The following KCTD2 variants were observed in gnomAD, a reference collection of about 807,000 sequenced individuals.
The protein encoded by KCTD2 is potassium channel tetramerization domain containing 2, also known as BTB/POZ domain-containing protein KCTD2.
Under a neutral mutation model 27.9 loss-of-function variants are expected in KCTD2, and 18 were observed. The observed-to-expected ratio is 0.64, with a 90% CI of 0.45 to 0.96. KCTD2 has a LOEUF of 0.96. KCTD2 is among the 40% of genes least tolerant of loss of function. KCTD2 has a pLI of 0.00. For missense variants in KCTD2, 280 were observed against 348.0 expected, an observed-to-expected ratio of 0.80 and a Z score of 1.56; for synonymous variants, 175 against 148.4, an observed-to-expected ratio of 1.18 and a Z score of -1.30.
rs780753732 is a variant in KCTD2, at chr17:75,053,140, C to G, written c.540+35C>G. ...TTGGAACTGTTAAGGAGGGTTGTTT[C>G]AAGTGGGCTTCTGTCGGTCGGTCTG... On this transcript the variant is annotated intron_variant, in intron 3 of 5. Transcript: ENST00000322444. 1.8e-5 allele frequency: 27 copies of G among 1,521,804 alleles called. No homozygotes were observed. In the South Asian group the frequency reaches 3.0e-4, roughly 17 times the overall value. The allele number at this position is 1,521,804 out of a possible 1,614,324, so 94.3% of individuals were successfully genotyped here.
At chr17:75,059,671 C>A in intron 4 of KCTD2, 66 bp downstream of exon 4, 1 of 1,263,798 alleles carries the variant, frequency 7.9e-7, no homozygotes, top group Non-Finnish European at 1.1e-6. Context: ...TTCAAACAAT[C>A]AGTGTGGATG....
At chr17:75,048,183 C>T (rs1473013286) in intron 1 of KCTD2, among the ~76,000 whole-genome samples, 1 of 152,170 alleles carries the variant, frequency 6.6e-6, no homozygotes, top group Non-Finnish European at 1.5e-5. Context: ...AAAGAGGTTA[C>T]TGTTTGCCGC....
At chr17:75,054,054 G>T (rs1316895896) in intron 3 of KCTD2, among the ~76,000 whole-genome samples, 1 of 151,620 alleles carries the variant, frequency 6.6e-6, no homozygotes, top group East Asian at 1.9e-4. Flanking sequence ...TCTCACTCCC[G>T]TTGCCCAGGT....
Position 75,040,293 on chromosome 17 carries a change from C to T in KCTD2, c.-259+4936C>T. 9 of 1,045,214 alleles carry T rather than the reference C, an allele frequency of 8.6e-6. 1 individual carries two copies. The highest frequency in any genetic ancestry group is 1.2e-5 in the Non-Finnish European group (8 of 675,168). The allele number at this position is 1,045,214 out of a possible 1,614,324, so 64.7% of individuals were successfully genotyped here. ...AATCCTTAAAGGTCATACTGAAAGA[C>T]ATTCTGTGTCCCAAGCGGAAACGAA... On this transcript the variant is annotated intron_variant, in intron 3 of 7. Transcript: ENST00000581589.
chr17:75,040,256 C>G lies in KCTD2; in HGVS notation c.-259+4899C>G. 2.7e-6 allele frequency: 4 copies of G among 1,464,696 alleles called. No individual in the cohort carries two copies. In the South Asian group the frequency reaches 4.6e-5, roughly 17 times the overall value. 90.7% of individuals were successfully genotyped at this position (1,464,696 alleles called of 1,614,324 possible). On this transcript the variant is annotated intron_variant, in intron 3 of 7. Transcript: ENST00000581589. ...CCAATACACCCAGGAGCTCAAAGGG[C>G]TGGAAGCTACGAATCCTTAAAGGTC...
At chr17:75,060,668 C>T (rs1222723530) in intron 4 of KCTD2, 33 of 1,486,518 alleles carry the variant, frequency 2.2e-5, no homozygotes, top group Non-Finnish European at 2.7e-5. Context: ...GGCGCGCGTG[C>T]GAGGGCGGGT....
intron 3 of KCTD2, among the ~76,000 whole-genome samples, chr17:75,057,930 C>T (rs2073365704): frequency 6.6e-6 from 1 of 152,104 alleles, no homozygotes; most frequent in African/African-American, 2.4e-5. Flanking sequence ...CACAGTGGCT[C>T]ATGCCTGTAA....
intron 3 of KCTD2, chr17:75,041,897 G>A (rs1025524678): frequency 7.6e-5 from 21 of 277,358 alleles, no homozygotes; most frequent in Non-Finnish European, 1.3e-4. Flanking sequence ...GCCTAAGAAG[G>A]GGTGAACCGG....
chr17:75,050,108 C>T (rs1187610756), intron 2 of KCTD2, among the ~76,000 whole-genome samples: 1 of 152,126 alleles, frequency 6.6e-6, no homozygotes, highest in African/African-American at 2.4e-5. Flanking sequence ...CCTTTTTAAA[C>T]AATATTTCAA....
At chr17:75,035,091 C>A (rs1030081452) in intron 2 of KCTD2, 1 of 152,100 alleles carries the variant, frequency 6.6e-6, no homozygotes, top group African/African-American at 2.4e-5. Flanking sequence ...ATTGGCCTCT[C>A]TAGGAGGTAG....
chr17:75,064,527 A>G lies in KCTD2; in HGVS notation c.*1480A>G, dbSNP rs1023328243. ...CTGGAAATGACTGCAGACTGTGCCAAATGTCTTTTGAGCTTCTGACCTGAC... is the reference window on the plus strand; with the variant it reads ...CTGGAAATGACTGCAGACTGTGCCAGATGTCTTTTGAGCTTCTGACCTGAC... On this transcript the variant is annotated 3_prime_UTR_variant, in exon 6 of 6. Coordinates refer to ENST00000322444, the MANE Select transcript of KCTD2 (RefSeq NM_015353.3). 2 of 152,330 alleles carry G rather than the reference A, an allele frequency of 1.3e-5. No homozygotes were observed. Among genetic ancestry groups the G allele is most frequent in the South Asian group, 4.1e-4 (2 of 4,826 alleles). 9.4% of individuals were successfully genotyped at this position (152,330 alleles called of 1,614,324 possible).
intron 3 of KCTD2, among the ~76,000 whole-genome samples, chr17:75,057,913 G>A (rs928195677): frequency 2.6e-5 from 4 of 152,014 alleles, no homozygotes; most frequent in South Asian, 2.1e-4. Flanking sequence ...CAGCATTGTC[G>A]GCCGGACACA....
At chr17:75,058,083 G>A (rs2073367357) in intron 3 of KCTD2, among the ~76,000 whole-genome samples, 1 of 151,816 alleles carries the variant, frequency 6.6e-6, no homozygotes, top group African/African-American at 2.4e-5. Context: ...CAGCACTTTG[G>A]GGGCCCAAGG....
intron 1 of KCTD2, among the ~76,000 whole-genome samples, chr17:75,048,258 A>G (rs377338555): frequency 6.6e-6 from 1 of 152,202 alleles, no homozygotes; most frequent in Non-Finnish European, 1.5e-5. Context: ...GGCAGGATGC[A>G]TGGCTGCTAA....
intron 1 of KCTD2, among the ~76,000 whole-genome samples, chr17:75,047,802 C>T (rs377237619): frequency 6.6e-6 from 1 of 152,136 alleles, no homozygotes; most frequent in Non-Finnish European, 1.5e-5. Flanking sequence ...TTCTCCCCGA[C>T]CCCGCCCTTC....
At chr17:75,049,194 A>G (rs536935005) in intron 1 of KCTD2, 26 bp from the exon 2 acceptor site, 5 of 1,435,086 alleles carry the variant, frequency 3.5e-6, no homozygotes, top group South Asian at 2.3e-5. Context: ...AAGGTCCACA[A>G]TGATACCCTT....
At chr17:75,039,517 C>A in intron 3 of KCTD2, 3 of 496,360 alleles carry the variant, frequency 6.0e-6, no homozygotes, top group Non-Finnish European at 1.1e-5. Flanking sequence ...GTTCCTCATC[C>A]GAAGACCTAC....
chr17:75,042,504 G>A, upstream of KCTD2: 1 of 1,600,386 alleles, frequency 6.2e-7, no homozygotes, highest in Non-Finnish European at 8.5e-7. Flanking sequence ...GCAAGTATGG[G>A]GTTCCCTCTC....
chr17:75,051,416 C>T (rs1351621088), intron 2 of KCTD2, among the ~76,000 whole-genome samples: 4 of 150,998 alleles, frequency 2.6e-5, no homozygotes, highest in South Asian at 2.1e-4. Flanking sequence ...TCCTGAGTAC[C>T]TGGGATTACA....
Sources: gnomAD v4.1 joint callset for allele counts (sites outside exome capture counted in the v4.1 genomes callset) on GRCh38, gnomAD v4.1.1 for gene constraint, MANE v1.5 for transcripts, NCBI Gene and HGNC (gene_info 2026-07-23, HGNC 2026-07-21) for gene names.